The following DMD variants were observed in gnomAD, a reference collection of about 807,000 sequenced individuals.
DMD encodes the protein dystrophin, also known as mutant dystrophin.
A neutral mutation model predicts 330.1 loss-of-function variants in DMD; 63 were observed. That is an observed-to-expected ratio of 0.19 (90% CI 0.16 to 0.24). DMD has a LOEUF of 0.24. Among genes scored for constraint, DMD ranks in the 10% least tolerant of loss-of-function variants. The probability of loss-of-function intolerance (pLI) is 1.00; values close to 1 mark genes in which losing one functional copy is unlikely to be tolerated. For missense variants in DMD, 3,344 were observed against 2,684.1 expected (o/e 1.25, Z -5.43); for synonymous variants, 1,223 against 959.8 (o/e 1.27, Z -5.07).
In DMD at chrX:32,217,083, G is replaced by A; in HGVS notation, c.6291-20C>T. The A allele has an allele frequency of 8.3e-7, 1 of 1,202,999 alleles. No individual in the cohort carries two copies. Among genetic ancestry groups the A allele is most frequent in the Non-Finnish European group, 1.1e-6 (1 of 888,814 alleles). On this transcript the variant is annotated intron_variant, in intron 43 of 78. Transcript: ENST00000357033. ...AATCGCCTGCAGGTAAAAGCATATG[G>A]ATCAAGAAAAATAGATGGATTATGT...
chrX:32,648,111 G>A (rs1054691903), intron 9 of DMD, among the ~76,000 whole-genome samples: 16 of 111,575 alleles, frequency 1.4e-4, no homozygotes, highest in Non-Finnish European at 2.8e-4. Context: ...ATTTACACAG[G>A]ATTGAATTTT....
At position 31,826,883 on chromosome X, in the gene DMD, G is replaced by A. The variant is rs755490986; in HGVS notation, c.7201-6800C>T. On this transcript the variant is annotated intron_variant, in intron 49 of 78. Transcript: ENST00000357033. ...GCTCCAAACTCAACAGAGTGAATTCGTGTTCTACCAAAATGGATAAACTTT... is the reference window on the plus strand; with the variant it reads ...GCTCCAAACTCAACAGAGTGAATTCATGTTCTACCAAAATGGATAAACTTT... 2.4e-4 allele frequency among the ~76,000 whole-genome samples: 27 copies of A among 111,957 alleles called. No homozygotes were observed. The South Asian group carries it at 5.2e-3, about 21-fold the overall frequency.
At chrX:32,641,624 A>G (rs912816121) in intron 11 of DMD, 3 of 158,882 alleles carry the variant, frequency 1.9e-5, no homozygotes, top group South Asian at 1.7e-4. Context: ...TTTAGTGATA[A>G]GCTTATCTGT....
intron 39 of DMD, among the ~76,000 whole-genome samples, chrX:32,343,881 TATTGGTGAAC>T (rs2097755738): frequency 8.9e-6 from 1 of 112,168 alleles, no homozygotes; most frequent in Admixed American, 9.5e-5. Context: ...ACTGTTCGTA[TATTGGTGAAC>T]ATAACTAATA....
rs72626039 is a variant in DMD, at chrX:32,426,325, G to A, written c.4071+11916C>T. ...TCCATTAAAAATGGGCAAAGGACAT[G>A]AACACACATTTTTCACAAGACGACA... is the stretch of plus-strand genomic sequence containing the variant. On this transcript the variant is annotated intron_variant, in intron 29 of 78. Transcript: ENST00000357033. Among the ~76,000 whole-genome samples, 142 of 111,520 alleles carry A rather than the reference G, an allele frequency of 1.3e-3. 1 individual carries two copies. In the East Asian group the frequency reaches 0.035, roughly 27 times the overall value.
intron 44 of DMD, among the ~76,000 whole-genome samples, chrX:32,098,414 G>A (rs1223521262): frequency 9.0e-6 from 1 of 111,581 alleles, no homozygotes; most frequent in Admixed American, 9.5e-5. Flanking sequence ...AAAATTTCTA[G>A]TTTTACACCA....
intron 52 of DMD, among the ~76,000 whole-genome samples, chrX:31,713,802 C>T (rs1272265606): frequency 1.8e-5 from 2 of 111,734 alleles, no homozygotes; most frequent in African/African-American, 3.2e-5. Flanking sequence ...GCCCCAATAC[C>T]TTGCACACTG....
intron 55 of DMD, among the ~76,000 whole-genome samples, chrX:31,584,252 C>T (rs1018264899): frequency 3.7e-5 from 4 of 109,104 alleles, no homozygotes; most frequent in African/African-American, 1.3e-4. Flanking sequence ...CAATGCTCTC[C>T]CTCCCCTCGC....
chrX:31,256,586 A>G (rs1335440364), intron 63 of DMD, among the ~76,000 whole-genome samples: 2 of 111,744 alleles, frequency 1.8e-5, no homozygotes. Flanking sequence ...AAAAAGTTCT[A>G]TTTTCTCTAC....
chrX:32,827,370 T>C (rs984422907), intron 4 of DMD, among the ~76,000 whole-genome samples: 10 of 110,902 alleles, frequency 9.0e-5, no homozygotes, highest in African/African-American at 3.3e-4. Flanking sequence ...AATTAACTGA[T>C]TGGGAATTGG....
chrX:31,360,618 T>C (rs2058888922), intron 60 of DMD, among the ~76,000 whole-genome samples: 1 of 112,168 alleles, frequency 8.9e-6, no homozygotes, highest in Non-Finnish European at 1.9e-5. Context: ...TATCAGAAAG[T>C]AGACTCAAGG....
intron 67 of DMD, among the ~76,000 whole-genome samples, chrX:31,202,930 A>C (rs2043640032): frequency 8.9e-6 from 1 of 112,410 alleles, no homozygotes; most frequent in African/African-American, 3.2e-5. Flanking sequence ...TCCTATAAAG[A>C]AAGCTTCAAA....
chrX:31,606,288 T>C (rs1205544008), intron 55 of DMD, among the ~76,000 whole-genome samples: 1 of 112,019 alleles, frequency 8.9e-6, no homozygotes, highest in East Asian at 2.8e-4. Context: ...GGCAGTTCTT[T>C]ATAGCAGTAT....
At chrX:31,223,745 C>A (rs1285155110) in intron 63 of DMD, among the ~76,000 whole-genome samples, 1 of 111,997 alleles carries the variant, frequency 8.9e-6, no homozygotes, top group Non-Finnish European at 1.9e-5. Context: ...GAGCTTAAGA[C>A]CAGCTTGGGC....
chrX:32,524,299 C>A (rs1309359057), intron 17 of DMD, among the ~76,000 whole-genome samples: 1 of 111,774 alleles, frequency 8.9e-6, no homozygotes, highest in Non-Finnish European at 1.9e-5. Context: ...TGTATGTTTC[C>A]TTTTAAAACG....
rs1275392068 is a variant in DMD at position 32,141,282 on chromosome X, AAC to A, written c.6438+75632_6438+75633del. On this transcript the variant is annotated intron_variant, in intron 44 of 78. Coordinates refer to ENST00000357033, the MANE Select transcript of DMD (RefSeq NM_004006.3). ...CTCTACTAAAAATACAAAAAAAAAA[AAC>A]AAATAGCCTGGCGTGGTTGTGGGCG... is the stretch of plus-strand genomic sequence containing the variant. 1.1e-4 allele frequency among the ~76,000 whole-genome samples: 12 copies of A among 107,806 alleles called. No individual in the cohort carries two copies. The South Asian group carries it at 1.2e-3, about 11-fold the overall frequency. The allele number at this position is 107,806 out of a possible 115,157, so 93.6% of individuals were successfully genotyped here. A position where few individuals can be genotyped will look rare whatever the true frequency, so the allele number is the denominator to read the frequency against.
chrX:32,177,530 A>G, intron 44 of DMD, among the ~76,000 whole-genome samples: 1 of 111,585 alleles, frequency 9.0e-6, no homozygotes, highest in Non-Finnish European at 1.9e-5. Context: ...TGTGTGGCCA[A>G]GTCTATATCA....
chrX:32,022,944 T>C (rs1008103803), intron 44 of DMD, among the ~76,000 whole-genome samples: 1 of 108,236 alleles, frequency 9.2e-6, no homozygotes, highest in Non-Finnish European at 1.9e-5. Context: ...GTGATTCTCC[T>C]ACCTCAGCCT....
chrX:32,263,317 T>A lies in DMD; in HGVS notation c.6290+24212A>T, dbSNP rs1466768443. Among the ~76,000 whole-genome samples the A allele has an allele frequency of 5.4e-5, 6 of 112,120 alleles. No individual in the cohort carries two copies. The Admixed American group carries it at 5.7e-4, about 11-fold the overall frequency. ...TTGCATAATAGAATATTTTGCAGAC[T>A]GTCAACTATTGAGGACGCTGGCATG... On this transcript the variant is annotated intron_variant, in intron 43 of 78. Transcript: ENST00000357033.
Sources: gnomAD v4.1 joint callset for allele counts (sites outside exome capture counted in the v4.1 genomes callset) on GRCh38, gnomAD v4.1.1 for gene constraint, MANE v1.5 for transcripts, NCBI Gene and HGNC (gene_info 2026-07-23, HGNC 2026-07-21) for gene names.